Variants in ATAD3A observed in about 807,000 individuals in gnomAD.
ATAD3A encodes the protein ATPase family AAA domain containing 3A.
In ATAD3A, 46 loss-of-function variants were observed where a neutral mutation model predicts 73.8. The ratio of observed to expected loss-of-function variants is 0.62; its 90% CI spans 0.49 to 0.80. The LOEUF (loss-of-function observed/expected upper bound fraction) is 0.80, where lower values mean the gene tolerates loss of function less well. ATAD3A is among the 30% of genes least tolerant of loss of function. ATAD3A has a pLI of 0.00. For missense variants in ATAD3A, 705 were observed against 838.0 expected, an observed-to-expected ratio of 0.84 and a Z score of 1.96; for synonymous variants, 319 against 350.0, an observed-to-expected ratio of 0.91 and a Z score of 0.99.
At chr1:1,530,717 T>A (rs1642003686) in intron 15 of ATAD3A, among the ~76,000 whole-genome samples, 1 of 116,716 alleles carries the variant, frequency 8.6e-6, no homozygotes. Flanking sequence ...TAGTCCCAGC[T>A]ACTTGGGAGG....
In ATAD3A at chr1:1,516,294, T is replaced by C. The variant is rs1165562461; in HGVS notation, c.282+206T>C. On this transcript the variant is annotated intron_variant, in intron 2 of 15. Coordinates refer to ENST00000378756, the MANE Select transcript of ATAD3A (RefSeq NM_001170535.3). ...CGCAGAGCCGCCCGAGAGGGAGGGC[T>C]GGTGTTGGTGAGGGCGTCTGGTCGT... Among the ~76,000 whole-genome samples the C allele has an allele frequency of 1.5e-4, 22 of 146,064 alleles. No individual in the cohort carries two copies. In the East Asian group the frequency reaches 2.1e-3, roughly 14 times the overall value.
In ATAD3A at chr1:1,516,045, T is replaced by G. The variant is rs778656174; in HGVS notation, c.239T>G (p.Met80Arg). ...AAGGACGCCCTGAATCTGGCACAGA[T>G]GCAGGAGCAGACGCTGCAGTTGGAG... ...YAKDALNLAQ[M>R]QEQTLQLEQQ... Residue 80 changes from methionine (M) to arginine (R), a missense_variant, in exon 2 of 16, where the codon ATG becomes AGG. By Grantham distance (91) the Met-to-Arg change is moderately conservative. Coordinates refer to ENST00000378756, the MANE Select transcript of ATAD3A (RefSeq NM_001170535.3). 1 of 1,614,036 alleles carries G rather than the reference T, an allele frequency of 6.2e-7. No homozygotes were observed. The highest frequency in any genetic ancestry group is 1.1e-5 in the South Asian group (1 of 91,078).
rs372863113 is a variant in ATAD3A at position 1,524,257 on chromosome 1, C to T, written c.1090-16C>T. The T allele has an allele frequency of 1.7e-5, 28 of 1,613,856 alleles. No individual in the cohort carries two copies. Among genetic ancestry groups the T allele is most frequent in the Non-Finnish European group, 2.3e-5 (27 of 1,179,872 alleles). On this transcript the variant is annotated splice_polypyrimidine_tract_variant and intron_variant, in intron 10 of 15. Transcript: ENST00000378756. ...AGGGAACATCTGCTCTGTCTCCCCT[C>T]ACTCTTCCTGTCCAGAAACTCGCCC...
chr1:1,524,256 T>C lies in ATAD3A; in HGVS notation c.1090-17T>C. On this transcript the variant is annotated splice_polypyrimidine_tract_variant and intron_variant, in intron 10 of 15. Transcript: ENST00000378756. ...GAGGGAACATCTGCTCTGTCTCCCC[T>C]CACTCTTCCTGTCCAGAAACTCGCC... 1.9e-6 allele frequency: 3 copies of C among 1,613,934 alleles called. No individual in the cohort carries two copies. The highest frequency in any genetic ancestry group is 2.2e-5 in the South Asian group (2 of 91,080).
rs1422800907 is a variant in ATAD3A at position 1,533,997 on chromosome 1, C to A, written c.1686C>A (p.Val562=). 1 of 1,613,614 alleles carries A rather than the reference C, an allele frequency of 6.2e-7. No individual in the cohort carries two copies. Among genetic ancestry groups the A allele is most frequent in the African/African-American group, 1.3e-5 (1 of 75,036 alleles). ...AMMDTRVQDA[V]QQHQQKMCWL... ...TGGACACCCGCGTGCAAGATGCTGT[C>A]CAGCAGCACCAGCAGAAGATGTGCT... The change falls in exon 16 of 16, where the codon GTC becomes GTA. Residue 562 remains valine (V), a synonymous_variant. Coordinates refer to ENST00000378756, the MANE Select transcript of ATAD3A (RefSeq NM_001170535.3).
intron 2 of ATAD3A, chr1:1,517,103 G>A (rs1641384699): frequency 6.5e-7 from 1 of 1,535,816 alleles, no homozygotes; most frequent in Non-Finnish European, 8.8e-7. Flanking sequence ...GGCCTTCGCG[G>A]GCTTCTGCTG....
chr1:1,513,827 C>T (rs965913081), intron 1 of ATAD3A, among the ~76,000 whole-genome samples: 42 of 152,264 alleles, frequency 2.8e-4, no homozygotes, highest in Non-Finnish European at 3.5e-4. Flanking sequence ...TCGGCCGGAG[C>T]CCATTGCTTT....
At chr1:1,527,645 G>A in intron 13 of ATAD3A, 50 bp from the exon 14 acceptor site, 3 of 1,568,624 alleles carry the variant, frequency 1.9e-6, no homozygotes, top group Non-Finnish European at 2.6e-6. Flanking sequence ...TCCCCTTGGT[G>A]CAGCTCGGCC....
chr1:1,529,163 TC>T, intron 14 of ATAD3A, 59 bp from the exon 15 acceptor site: 1 of 1,590,586 alleles, frequency 6.3e-7, no homozygotes, highest in Non-Finnish European at 8.5e-7. Context: ...TCTTCCGGCC[TC>T]CACCTCGTGT....
At chr1:1,518,810 G>A (rs1424979615) in intron 4 of ATAD3A, 111 bp from the exon 5 acceptor site, 38 of 1,582,196 alleles carry the variant, frequency 2.4e-5, no homozygotes, top group Admixed American at 1.6e-4. Context: ...GTCACACCCC[G>A]CAAACGGGCA....
chr1:1,524,163 G>A, intron 10 of ATAD3A, 110 bp from the exon 11 acceptor site: 1 of 1,557,370 alleles, frequency 6.4e-7, no homozygotes. Flanking sequence ...GCAGGCTGTG[G>A]CTTCCAGGCA....
intron 1 of ATAD3A, among the ~76,000 whole-genome samples, chr1:1,515,564 G>C (rs111323616): frequency 6.6e-6 from 1 of 152,102 alleles, no homozygotes; most frequent in Admixed American, 6.6e-5. Flanking sequence ...GCTTGTCCTC[G>C]TCACCCTGAG....
chr1:1,530,102 CAG>C (rs1418409720), intron 15 of ATAD3A, among the ~76,000 whole-genome samples: 1 of 152,182 alleles, frequency 6.6e-6, no homozygotes, highest in East Asian at 1.9e-4. Context: ...CCGGGGTTCA[CAG>C]GGGGCTGTAT....
At position 1,524,096 on chromosome 1, in the gene ATAD3A, G is replaced by T. The variant is rs979783263; in HGVS notation, c.1089+132G>T. 7.7e-5 allele frequency: 121 copies of T among 1,570,674 alleles called. 1 individual carries two copies. The South Asian group carries it at 1.2e-3, about 16-fold the overall frequency. On this transcript the variant is annotated intron_variant, in intron 10 of 15. Coordinates refer to ENST00000378756, the MANE Select transcript of ATAD3A (RefSeq NM_001170535.3). ...TTGCCCACCCTCGTGTAGGCTCAGG[G>T]TGCTGGTGTGGGCAGCAGCGCCTCC... is the stretch of plus-strand genomic sequence containing the variant.
intron 11 of ATAD3A, among the ~76,000 whole-genome samples, chr1:1,524,834 C>T (rs1354164786): frequency 1.3e-5 from 2 of 150,630 alleles, no homozygotes; most frequent in Admixed American, 6.6e-5. Flanking sequence ...GGGCACAGCC[C>T]GGGCACCCTT....
intron 15 of ATAD3A, among the ~76,000 whole-genome samples, chr1:1,532,884 C>T (rs1476554295): frequency 5.3e-5 from 8 of 151,874 alleles, no homozygotes; most frequent in East Asian, 1.9e-4. Flanking sequence ...TCCTGCACTC[C>T]GGGGCCCCTG....
Position 1,529,350 on chromosome 1 carries a change from C to G in ATAD3A, c.1614+19C>G. 1 of 1,545,142 alleles carries G rather than the reference C, an allele frequency of 6.5e-7. No homozygotes were observed. The highest frequency in any genetic ancestry group is 8.7e-7 in the Non-Finnish European group (1 of 1,142,896). The stretch of plus-strand genomic sequence containing the variant: ...CTGGCAGGTGAGTCAGGCTCCGGCA[C>G]GTCCACCCAGACGGGACCCCAGCTG... On this transcript the variant is annotated intron_variant, in intron 15 of 15. Coordinates refer to ENST00000378756, the MANE Select transcript of ATAD3A (RefSeq NM_001170535.3).
At chr1:1,527,666 G>T in intron 13 of ATAD3A, 29 bp from the exon 14 acceptor site, 4 of 1,588,700 alleles carry the variant, frequency 2.5e-6, no homozygotes, top group Non-Finnish European at 3.4e-6. Flanking sequence ...GGCAGCCCCA[G>T]CATCCTCATC....
At chr1:1,530,891 C>T (rs553164157) in intron 15 of ATAD3A, among the ~76,000 whole-genome samples, 93 of 151,046 alleles carry the variant, frequency 6.2e-4, no homozygotes, top group Non-Finnish European at 1.1e-3. Flanking sequence ...GTGGCTCACT[C>T]CTGTAATCCC....
Sources: allele counts gnomAD v4.1 joint callset (sites outside exome capture counted in the v4.1 genomes callset), GRCh38; gene constraint gnomAD v4.1.1; transcripts MANE v1.5; gene names NCBI Gene and HGNC (gene_info 2026-07-23, HGNC 2026-07-21).